The following DDX3X variants were observed in gnomAD, a reference collection of about 807,000 sequenced individuals.
DDX3X encodes DEAD-box helicase 3 X-linked.
In DDX3X, 4 loss-of-function variants were observed where a neutral mutation model predicts 52.7. That is an observed-to-expected ratio of 0.08 (90% CI 0.04 to 0.17). The LOEUF (loss-of-function observed/expected upper bound fraction) is 0.17. DDX3X is among the 10% of genes least tolerant of loss of function. The pLI, the probability that DDX3X is intolerant of heterozygous loss-of-function variation, is 1.00. For missense variants in DDX3X, 222 were observed against 548.6 expected (o/e 0.40, Z 5.95); for synonymous variants, 192 against 178.1 (o/e 1.08, Z -0.62).
chrX:41,343,176 C>T (rs761925135), intron 6 of DDX3X, 40 bp from the exon 7 acceptor site: 2 of 1,182,782 alleles, frequency 1.7e-6, no homozygotes, highest in Non-Finnish European at 2.3e-6. Flanking sequence ...ACAGAAATAG[C>T]TCTAGATAGC....
intron 4 of DDX3X, 119 bp from the exon 5 acceptor site, chrX:41,342,376 A>T (rs755304827): frequency 6.5e-4 from 505 of 782,058 alleles, no homozygotes; most frequent in Non-Finnish European, 6.6e-4. Flanking sequence ...TCAGAATTGG[A>T]TTGTTGACAT....
At chrX:41,336,910 C>T (rs1309005152) in intron 1 of DDX3X, among the ~76,000 whole-genome samples, 1 of 111,939 alleles carries the variant, frequency 8.9e-6, no homozygotes, top group Non-Finnish European at 1.9e-5. Flanking sequence ...ACTAAAAGAA[C>T]GGCCACTTCG....
At chrX:41,354,361 T>TTTTTTTTTTTA (rs2064000579), downstream of DDX3X, among the ~76,000 whole-genome samples, 1 of 103,329 alleles carries the variant, frequency 9.7e-6, no homozygotes, top group Non-Finnish European at 2.0e-5. Flanking sequence ...TTTTTTTTTT[T>TTTTTTTTTTTA]GAGACAGGGT....
chrX:41,352,956 T>C (rs1467318), downstream of DDX3X, among the ~76,000 whole-genome samples: 3,819 of 111,704 alleles, frequency 0.034, 167 homozygotes, highest in African/African-American at 0.12. Flanking sequence ...AAAACAGATA[T>C]TGCAAACAAA....
Position 41,347,375 on chromosome X carries a change from C to T in DDX3X, c.1833C>T (p.Ser611=). 1 of 1,211,659 alleles carries T rather than the reference C, an allele frequency of 8.3e-7. No homozygotes were observed. The highest frequency in any genetic ancestry group is 1.1e-6 in the Non-Finnish European group (1 of 895,413). The change falls in exon 16 of 17, where the codon TCC becomes TCT. Residue 611 remains serine, a synonymous_variant. Transcript: ENST00000644876. Reference sequence around the variant, plus strand: ...GACAAAGTAGCGGTGCCAGCAGTTCCAGCTTCAGCAGCAGCCGCGCAAGCA... The same window carrying T: ...GACAAAGTAGCGGTGCCAGCAGTTCTAGCTTCAGCAGCAGCCGCGCAAGCA... ...DYRQSSGASS[S]SFSSSRASSS... is the part of the protein sequence containing the mutation.
chrX:41,345,568 A>G lies in DDX3X; in HGVS notation c.1315+20A>G. 2 of 1,170,439 alleles carry G rather than the reference A, an allele frequency of 1.7e-6. No individual in the cohort carries two copies. Among genetic ancestry groups the G allele is most frequent in the African/African-American group, 1.8e-5 (1 of 56,206 alleles). ...CAACAGGTAACATTATGAATTTTTTATTTTATTAGACATGGGGGTTTCTCT... is the reference window on the plus strand; with the variant it reads ...CAACAGGTAACATTATGAATTTTTTGTTTTATTAGACATGGGGGTTTCTCT... On this transcript the variant is annotated intron_variant, in intron 12 of 16. Coordinates refer to ENST00000644876, the MANE Select transcript of DDX3X (RefSeq NM_001356.5).
rs201687537 is a variant in DDX3X, at chrX:41,346,415, G to A, written c.1497+5G>A. On this transcript the variant is annotated splice_donor_5th_base_variant and intron_variant, in intron 13 of 16. Coordinates refer to ENST00000644876, the MANE Select transcript of DDX3X (RefSeq NM_001356.5). ...CCAATTTTAGTGGCTACAGCAGTAT[G>A]TATAAACATCTTTCTTTTATTCAAA... 2.0e-4 allele frequency: 244 copies of A among 1,203,873 alleles called. No individual in the cohort carries two copies. Among genetic ancestry groups the A allele is most frequent in the South Asian group, 2.9e-4 (16 of 55,855 alleles).
intron 1 of DDX3X, chrX:41,335,696 A>G (rs1312784993): frequency 8.9e-6 from 1 of 112,297 alleles, no homozygotes; most frequent in Admixed American, 9.5e-5. Context: ...ATGTAGTCAT[A>G]TGTAATATTT....
intron 5 of DDX3X, among the ~76,000 whole-genome samples, chrX:41,361,786 A>G (rs1486407762): frequency 9.0e-6 from 1 of 111,577 alleles, no homozygotes; most frequent in Non-Finnish European, 1.9e-5. Context: ...AAGTATTTTC[A>G]TAGATTATCT....
rs1425707241 is a variant in DDX3X at position 41,343,412 on chromosome X, ATATTT to A, written c.679+68_679+72del. ...CTTCTGTAAAGGACTAGACAATAAA[ATATTT>A]TATTTTTTATGGGTCATGCAGTTTT... On this transcript the variant is annotated intron_variant, in intron 7 of 16. Transcript: ENST00000644876. 64 of 1,073,665 alleles carry A rather than the reference ATATTT, an allele frequency of 6.0e-5. No individual in the cohort carries two copies. In the East Asian group the frequency reaches 1.9e-3, roughly 33 times the overall value. The allele number at this position is 1,073,665 out of a possible 1,213,427, so 88.5% of individuals were successfully genotyped here.
intron 3 of DDX3X, 120 bp from the exon 4 acceptor site, chrX:41,341,364 T>C: frequency 1.8e-6 from 1 of 549,905 alleles, no homozygotes; most frequent in Non-Finnish European, 2.8e-6. Context: ...TTGGTTCTCT[T>C]ACAGTGCCAT....
intron 3 of DDX3X, chrX:41,340,662 A>G: frequency 3.5e-6 from 1 of 282,460 alleles, no homozygotes; most frequent in Non-Finnish European, 6.2e-6. Flanking sequence ...TCAAGCTTAT[A>G]GTAGATGAAC....
In DDX3X at chrX:41,342,417, G is replaced by A. The variant is rs185835465; in HGVS notation, c.285-78G>A. On this transcript the variant is annotated intron_variant, in intron 4 of 16. Transcript: ENST00000644876. ...TGGTTAGCCATAACTTAAGTCTCCA[G>A]ATACAGTTCTAGAGTAGGGATAAGA... is the stretch of plus-strand genomic sequence containing the variant. 144 of 1,095,697 alleles carry A rather than the reference G, an allele frequency of 1.3e-4. 1 individual carries two copies. In the Admixed American group the frequency reaches 2.6e-3, roughly 20 times the overall value. The allele number at this position is 1,095,697 out of a possible 1,213,427, so 90.3% of individuals were successfully genotyped here. A position where few individuals can be genotyped will look rare whatever the true frequency, so the allele number is the denominator to read the frequency against.
At chrX:41,351,081 C>G (rs1017353274), downstream of DDX3X, 4 of 111,339 alleles carry the variant, frequency 3.6e-5, no homozygotes, top group South Asian at 1.1e-3. Flanking sequence ...ACTTGAGTCT[C>G]GATTTAGTCA....
At chrX:41,343,594 G>A (rs1446582843) in intron 7 of DDX3X, 143 bp from the exon 8 acceptor site, 2 of 562,631 alleles carry the variant, frequency 3.6e-6, no homozygotes, top group East Asian at 7.4e-5. Flanking sequence ...TCTTAGAGGT[G>A]GAGCAGAGAA....
At chrX:41,361,454 G>A (rs866507413) in intron 5 of DDX3X, among the ~76,000 whole-genome samples, 32 of 110,936 alleles carry the variant, frequency 2.9e-4, no homozygotes, top group Admixed American at 2.9e-4. Context: ...GGAGGTTGCG[G>A]TGAGTTGAGA....
rs755312716 is a variant in DDX3X, at chrX:41,339,025, TA to T, written c.104-10del. 24 of 894,602 alleles carry T rather than the reference TA, an allele frequency of 2.7e-5. No homozygotes were observed. The highest frequency in any genetic ancestry group is 4.6e-4 in the Middle Eastern group (1 of 2,187). The allele number at this position is 894,602 out of a possible 1,213,427, so 73.7% of individuals were successfully genotyped here. ...ATTTAATTAATTTTATATATATATATATTTTTTTAGAAGGGCGCTATATTCC... is the reference window on the plus strand; with the variant it reads ...ATTTAATTAATTTTATATATATATATTTTTTTTAGAAGGGCGCTATATTCC... On this transcript the variant is annotated splice_polypyrimidine_tract_variant and intron_variant, in intron 2 of 16. Coordinates refer to ENST00000644876, the MANE Select transcript of DDX3X (RefSeq NM_001356.5).
At chrX:41,350,292 T>C (rs1403300382), downstream of DDX3X, 1 of 112,607 alleles carries the variant, frequency 8.9e-6, no homozygotes, top group Non-Finnish European at 1.9e-5. Flanking sequence ...ATGTTATTTT[T>C]TGCTTGTCAT....
At chrX:41,361,091 G>T (rs1382045810) in intron 5 of DDX3X, among the ~76,000 whole-genome samples, 1 of 108,022 alleles carries the variant, frequency 9.3e-6, no homozygotes, top group Non-Finnish European at 1.9e-5. Context: ...TCTGCAGCTT[G>T]CCGCTCTGTT....
Sources: allele counts gnomAD v4.1 joint callset (sites outside exome capture counted in the v4.1 genomes callset), GRCh38; gene constraint gnomAD v4.1.1; transcripts MANE v1.5; gene names NCBI Gene and HGNC (gene_info 2026-07-23, HGNC 2026-07-21).